The following ADPGK variants were observed in gnomAD, a reference collection of about 807,000 sequenced individuals.
The protein encoded by ADPGK is ADP dependent glucokinase, also known as ADP-dependent glucokinase.
In ADPGK, 26 loss-of-function variants were observed where a neutral mutation model predicts 42.4. The ratio of observed to expected loss-of-function variants is 0.61; its 90% CI spans 0.45 to 0.85. The LOEUF is 0.85. Ranked by LOEUF, ADPGK falls within the 40% of genes least tolerant of loss-of-function variation. ADPGK has a pLI of 0.00. For missense variants in ADPGK, 571 were observed against 627.0 expected, an observed-to-expected ratio of 0.91 and a Z score of 0.95; for synonymous variants, 267 against 252.6, an observed-to-expected ratio of 1.06 and a Z score of -0.54.
intron 4 of ADPGK, among the ~76,000 whole-genome samples, chr15:72,758,996 T>C (rs2066153952): frequency 6.6e-6 from 1 of 152,226 alleles, no homozygotes. Flanking sequence ...TGGAGTGCAG[T>C]GGTGCAATCT....
chr15:72,758,932 T>C (rs1204446402), intron 4 of ADPGK, among the ~76,000 whole-genome samples: 1 of 152,168 alleles, frequency 6.6e-6, no homozygotes, highest in Non-Finnish European at 1.5e-5. Context: ...GTCATTCTTT[T>C]ATTTATTTAT....
intron 1 of ADPGK, among the ~76,000 whole-genome samples, chr15:72,778,313 TTC>T (rs2066414972): frequency 6.6e-6 from 1 of 152,174 alleles, no homozygotes; most frequent in African/African-American, 2.4e-5. Flanking sequence ...TACTTTCTTG[TTC>T]TGTTTTATAA....
In ADPGK at chr15:72,752,776, G is replaced by A; in HGVS notation, c.1059C>T (p.Gly353=). Residue 353 remains glycine (G), a synonymous_variant, in exon 7 of 7, where the codon GGC becomes GGT. Coordinates refer to ENST00000456471, the MANE Select transcript of ADPGK (RefSeq NM_001365225.1). ...LSSWNGVPDV[G]MVSDILFWIL... The stretch of plus-strand genomic sequence containing the variant: ...TCCAGAAGAGGATGTCACTGACCAT[G>A]CCCACATCAGGAACACCGTTCCAGG... 1 of 1,614,202 alleles carries A rather than the reference G, an allele frequency of 6.2e-7. No individual in the cohort carries two copies. The highest frequency in any genetic ancestry group is 1.1e-5 in the South Asian group (1 of 91,086).
chr15:72,783,549 G>A lies in ADPGK; in HGVS notation c.143C>T (p.Pro48Leu). The change falls in exon 1 of 7, where the codon CCG becomes CTG. Residue 48 changes from proline to leucine, a missense_variant. Physicochemically the swap from Pro to Leu is moderately conservative, Grantham distance 98 (BLOSUM62 -3). This residue lies in a region of ADPGK where 137 missense variants were observed against 104.2 expected (regional missense o/e 1.31). Coordinates refer to ENST00000456471, the MANE Select transcript of ADPGK (RefSeq NM_001365225.1). ...SLCLGPAPAP[P>L]GPVSPEGRLA... ...CCGGCCCTCGGGGGAGACGGGTCCC[G>A]GGGGCGCAGGCGCGGGCCCCAGACA... 1 of 1,496,116 alleles carries A rather than the reference G, an allele frequency of 6.7e-7. No individual in the cohort carries two copies. The highest frequency in any genetic ancestry group is 2.8e-5 in the East Asian group (1 of 35,930). 92.7% of individuals were successfully genotyped at this position (1,496,116 alleles called of 1,614,324 possible).
intron 1 of ADPGK, among the ~76,000 whole-genome samples, chr15:72,778,829 C>T (rs2066421470): frequency 6.6e-6 from 1 of 152,172 alleles, no homozygotes; most frequent in Non-Finnish European, 1.5e-5. Flanking sequence ...GCAGTGGTCC[C>T]TGTGCTGAAC....
At chr15:72,778,567 A>G (rs1347577634) in intron 1 of ADPGK, among the ~76,000 whole-genome samples, 1 of 152,172 alleles carries the variant, frequency 6.6e-6, no homozygotes, top group Non-Finnish European at 1.5e-5. Context: ...ACTAGAAAAT[A>G]GGTCAAGACA....
intron 2 of ADPGK, among the ~76,000 whole-genome samples, chr15:72,774,571 G>A (rs1460137253): frequency 6.6e-6 from 1 of 152,184 alleles, no homozygotes; most frequent in African/African-American, 2.4e-5. Flanking sequence ...GAGGTTCTCA[G>A]ACCTACAGGA....
chr15:72,759,874 C>T (rs932534794), intron 4 of ADPGK, among the ~76,000 whole-genome samples: 3 of 152,212 alleles, frequency 2.0e-5, no homozygotes, highest in African/African-American at 7.2e-5. Context: ...GATTTATTAA[C>T]ATTAGAACAT....
chr15:72,783,575 C>A lies in ADPGK; in HGVS notation c.117G>T (p.Leu39=). 1.2e-5 allele frequency: 18 copies of A among 1,512,084 alleles called. No homozygotes were observed. The highest frequency in any genetic ancestry group is 1.6e-5 in the Non-Finnish European group (18 of 1,138,244). The allele number at this position is 1,512,084 out of a possible 1,614,324, so 93.7% of individuals were successfully genotyped here. The change falls in exon 1 of 7, where the codon CTG becomes CTT. Residue 39 remains leucine, a synonymous_variant. Coordinates refer to ENST00000456471, the MANE Select transcript of ADPGK (RefSeq NM_001365225.1). ...GSALRSLWSS[L]CLGPAPAPPG... ...GGGGCGCAGGCGCGGGCCCCAGACA[C>A]AGCGAGCTCCAGAGAGAGCGCAGCG...
intron 2 of ADPGK, among the ~76,000 whole-genome samples, chr15:72,772,784 A>T (rs2066344316): frequency 6.6e-6 from 1 of 152,204 alleles, no homozygotes; most frequent in African/African-American, 2.4e-5. Flanking sequence ...CTAATATAGG[A>T]CAGTACTTTC....
At chr15:72,756,562 T>C in intron 4 of ADPGK, 115 bp from the exon 5 acceptor site, 1 of 1,153,078 alleles carries the variant, frequency 8.7e-7, no homozygotes, top group South Asian at 1.5e-5. Flanking sequence ...GGCTGGTTTC[T>C]GGCTGAGGAG....
At position 72,783,563 on chromosome 15, in the gene ADPGK, G is replaced by T; in HGVS notation, c.129C>A (p.Pro43=). The T allele has an allele frequency of 6.7e-7, 1 of 1,499,860 alleles. No homozygotes were observed. Among genetic ancestry groups the T allele is most frequent in the South Asian group, 1.2e-5 (1 of 80,502 alleles). 92.9% of individuals were successfully genotyped at this position (1,499,860 alleles called of 1,614,324 possible). The stretch of plus-strand genomic sequence containing the variant: ...AGACGGGTCCCGGGGGCGCAGGCGC[G>T]GGCCCCAGACACAGCGAGCTCCAGA... The part of the protein sequence containing the change: ...RSLWSSLCLG[P]APAPPGPVSP... The change falls in exon 1 of 7, where the codon CCC becomes CCA. Residue 43 remains proline, a synonymous_variant. Transcript: ENST00000456471.
At chr15:72,767,383 CAA>C (rs35843053) in intron 3 of ADPGK, among the ~76,000 whole-genome samples, 2 of 137,996 alleles carry the variant, frequency 1.4e-5, no homozygotes, top group Middle Eastern at 3.7e-3. Flanking sequence ...ATCAAATAGA[CAA>C]AAAAAAAAAA....
chr15:72,783,047 A>C, intron 1 of ADPGK: 1 of 244,792 alleles, frequency 4.1e-6, no homozygotes, highest in Non-Finnish European at 6.6e-6. Context: ...GAAAGTGGGT[A>C]AAGGCAGACA....
chr15:72,756,185 A>T, intron 5 of ADPGK, 66 bp downstream of exon 5: 1 of 1,592,462 alleles, frequency 6.3e-7, no homozygotes, highest in Non-Finnish European at 8.6e-7. Flanking sequence ...GCAGATGCCA[A>T]GAGAGGCTGG....
chr15:72,783,452 C>G lies in ADPGK; in HGVS notation c.233+7G>C. ...GGCTCAGAGACCCAGGCCCCGTTGGCACTCACCCCACTGCCACGCGGCGCC... is the reference window on the plus strand; with the variant it reads ...GGCTCAGAGACCCAGGCCCCGTTGGGACTCACCCCACTGCCACGCGGCGCC... On this transcript the variant is annotated splice_region_variant and intron_variant, in intron 1 of 6. Coordinates refer to ENST00000456471, the MANE Select transcript of ADPGK (RefSeq NM_001365225.1). 1 of 1,367,010 alleles carries G rather than the reference C, an allele frequency of 7.3e-7. No individual in the cohort carries two copies. The highest frequency in any genetic ancestry group is 9.4e-7 in the Non-Finnish European group (1 of 1,066,160). The allele number at this position is 1,367,010 out of a possible 1,614,324, so 84.7% of individuals were successfully genotyped here.
chr15:72,768,953 GACAA>G (rs1355446319), intron 3 of ADPGK, among the ~76,000 whole-genome samples: 1 of 143,204 alleles, frequency 7.0e-6, no homozygotes, highest in African/African-American at 2.5e-5. Flanking sequence ...CAGCCTGGAT[GACAA>G]GGCCAGATCC....
At chr15:72,777,221 T>A (rs1392477306) in intron 1 of ADPGK, among the ~76,000 whole-genome samples, 2 of 152,150 alleles carry the variant, frequency 1.3e-5, no homozygotes, top group Non-Finnish European at 2.9e-5. Flanking sequence ...TATCTGTAGC[T>A]CTCAGACGCC....
At chr15:72,764,745 G>C (rs1305275597) in intron 3 of ADPGK, among the ~76,000 whole-genome samples, 1 of 152,210 alleles carries the variant, frequency 6.6e-6, no homozygotes, top group South Asian at 2.1e-4. Flanking sequence ...GACTTTCAGA[G>C]CTAGAGAGTA....
Sources: allele counts gnomAD v4.1 joint callset (sites outside exome capture counted in the v4.1 genomes callset), GRCh38; gene constraint gnomAD v4.1.1; regional missense constraint gnomAD v4.1.1; transcripts MANE v1.5; gene names NCBI Gene and HGNC (gene_info 2026-07-23, HGNC 2026-07-21).